Variants in NRCAM observed in about 807,000 individuals in gnomAD.
The protein encoded by NRCAM is NgCAM-related cell adhesion molecule.
Under a neutral mutation model 156.5 loss-of-function variants are expected in NRCAM, and 83 were observed. The observed-to-expected ratio is 0.53, with a 90% CI of 0.44 to 0.64. The LOEUF (loss-of-function observed/expected upper bound fraction) is 0.64. Ranked by LOEUF, NRCAM falls within the 30% of genes least tolerant of loss-of-function variation. The pLI is 0.00. For missense variants in NRCAM, 1,417 were observed against 1,597.3 expected (o/e 0.89, Z 1.92); for synonymous variants, 538 against 563.9 (o/e 0.95, Z 0.65).
At chr7:108,277,217 G>T (rs961796344) in intron 3 of NRCAM, among the ~76,000 whole-genome samples, 1 of 151,972 alleles carries the variant, frequency 6.6e-6, no homozygotes, top group African/African-American at 2.4e-5. Flanking sequence ...TGTGTCTTGG[G>T]GTTGCTCTTC....
intron 3 of NRCAM, among the ~76,000 whole-genome samples, chr7:108,308,741 A>G (rs993568192): frequency 6.6e-6 from 1 of 152,214 alleles, no homozygotes; most frequent in Non-Finnish European, 1.5e-5. Flanking sequence ...CTTCAGAAAC[A>G]GCTATCAAAC....
intron 1 of NRCAM, among the ~76,000 whole-genome samples, chr7:108,434,488 TA>T (rs1475261130): frequency 6.6e-6 from 1 of 151,248 alleles, no homozygotes; most frequent in East Asian, 1.9e-4. Flanking sequence ...CACAAATGTG[TA>T]GAAGAGACCT....
chr7:108,414,200 C>T (rs2154421237), intron 1 of NRCAM, among the ~76,000 whole-genome samples: 1 of 152,130 alleles, frequency 6.6e-6, no homozygotes, highest in Middle Eastern at 3.4e-3. Context: ...AATTCCTTGC[C>T]ATTCCTTCTT....
intron 3 of NRCAM, among the ~76,000 whole-genome samples, chr7:108,273,837 T>C (rs2154060968): frequency 6.6e-6 from 1 of 152,336 alleles, no homozygotes; most frequent in Non-Finnish European, 1.5e-5. Context: ...TCCTAAATGG[T>C]ATTGCCTAGG....
rs139431997 is a variant in NRCAM at position 108,428,814 on chromosome 7, T to C, written c.-332+27429A>G. ...TTACTTCGTTTGCACTTATTTTCAG[T>C]TCCTGTTTGGTTGGCAGAAGAGTGG... On this transcript the variant is annotated intron_variant, in intron 1 of 32. Transcript: ENST00000379028. Among the ~76,000 whole-genome samples, 22 of 152,346 alleles carry C rather than the reference T, an allele frequency of 1.4e-4. No homozygotes were observed. The East Asian group carries it at 2.1e-3, about 15-fold the overall frequency.
chr7:108,342,684 G>A, intron 2 of NRCAM, among the ~76,000 whole-genome samples: 1 of 152,198 alleles, frequency 6.6e-6, no homozygotes. Flanking sequence ...GGACAAGCCT[G>A]CAACCCATGG....
intron 1 of NRCAM, among the ~76,000 whole-genome samples, chr7:108,438,704 A>C (rs913808614): frequency 7.2e-5 from 11 of 152,262 alleles, no homozygotes; most frequent in African/African-American, 2.6e-4. Context: ...AAGAGTCAAA[A>C]TTGTCTTTAT....
At chr7:108,419,866 G>A (rs1332028881) in intron 1 of NRCAM, among the ~76,000 whole-genome samples, 1 of 152,170 alleles carries the variant, frequency 6.6e-6, no homozygotes, top group East Asian at 1.9e-4. Flanking sequence ...CATTAAGTCT[G>A]TCCAGGTGCA....
rs2065496515 is a variant in NRCAM at position 108,184,497 on chromosome 7, G to A, written c.2153C>T (p.Ser718Phe). 2.5e-6 allele frequency: 4 copies of A among 1,614,174 alleles called. No individual in the cohort carries two copies. Among genetic ancestry groups the A allele is most frequent in the African/African-American group, 1.3e-5 (1 of 75,052 alleles). ...QLKLSPYVNY[S>F]FRVMAVNSIG... The stretch of plus-strand genomic sequence containing the variant: ...GCTGTTCACTGCCATCACGCGGAAG[G>A]AGTAGTTCACGTAAGGAGACAGCTT... The change falls in exon 21 of 33, where the codon TCC (serine) becomes TTC (phenylalanine). Residue 718 changes from serine (S) to phenylalanine (F), a missense_variant. By Grantham distance (155) the Ser-to-Phe change is radical (BLOSUM62 -2). Coordinates refer to ENST00000379028, the MANE Select transcript of NRCAM (RefSeq NM_001037132.4).
At chr7:108,334,305 G>A (rs2099156894) in intron 2 of NRCAM, among the ~76,000 whole-genome samples, 1 of 152,172 alleles carries the variant, frequency 6.6e-6, no homozygotes. Flanking sequence ...ATAGATGTAA[G>A]ACATGATAAT....
At chr7:108,392,439 T>G (rs2099763245) in intron 2 of NRCAM, among the ~76,000 whole-genome samples, 1 of 152,176 alleles carries the variant, frequency 6.6e-6, no homozygotes, top group Non-Finnish European at 1.5e-5. Flanking sequence ...ATTTAAGGAT[T>G]TCTCTACACT....
intron 3 of NRCAM, among the ~76,000 whole-genome samples, chr7:108,269,973 T>C (rs1253054480): frequency 6.6e-6 from 1 of 152,246 alleles, no homozygotes; most frequent in African/African-American, 2.4e-5. Flanking sequence ...TATCTAATTT[T>C]ACAGTGCAAA....
At chr7:108,263,599 TG>T (rs1460667960) in intron 3 of NRCAM, among the ~76,000 whole-genome samples, 3 of 152,212 alleles carry the variant, frequency 2.0e-5, no homozygotes, top group African/African-American at 4.8e-5. Flanking sequence ...CAAATCATGG[TG>T]GGGTGCTTCT....
chr7:108,170,010 C>G (rs1296952853), intron 28 of NRCAM, among the ~76,000 whole-genome samples: 1 of 152,074 alleles, frequency 6.6e-6, no homozygotes, highest in East Asian at 1.9e-4. Context: ...AGTTTCTTCT[C>G]TAAACTGTTC....
intron 13 of NRCAM, among the ~76,000 whole-genome samples, chr7:108,198,403 A>C (rs190702805): frequency 6.6e-6 from 1 of 151,476 alleles, no homozygotes; most frequent in East Asian, 1.9e-4. Context: ...TCTTTTTTTT[A>C]ATTATACTTT....
chr7:108,178,974 T>A (rs1044600067), intron 25 of NRCAM, among the ~76,000 whole-genome samples: 2 of 152,128 alleles, frequency 1.3e-5, no homozygotes, highest in African/African-American at 4.8e-5. Flanking sequence ...TTTCTTCCTA[T>A]CCCCATCTTC....
rs759820306 is a variant in NRCAM, at chr7:108,154,366, TAA to T, written c.3678-4221_3678-4220del. Among the ~76,000 whole-genome samples the T allele has an allele frequency of 1.6e-4, 24 of 152,196 alleles. 1 individual carries two copies. The highest frequency in any genetic ancestry group is 1.2e-3 in the East Asian group (6 of 5,202). On this transcript the variant is annotated intron_variant, in intron 32 of 32. Coordinates refer to ENST00000379028, the MANE Select transcript of NRCAM (RefSeq NM_001037132.4). ...AATTGCTTGCTGATACATAGAAATA[TAA>T]GACTTTTATGTTAATTTTGTGTCGA...
chr7:108,446,087 C>G (rs918436429), intron 1 of NRCAM, among the ~76,000 whole-genome samples: 3 of 152,140 alleles, frequency 2.0e-5, no homozygotes, highest in African/African-American at 4.8e-5. Context: ...CAGCTTCAGA[C>G]AGTGAAGGGA....
chr7:108,301,489 G>A (rs1312164887), intron 3 of NRCAM, among the ~76,000 whole-genome samples: 1 of 152,194 alleles, frequency 6.6e-6, no homozygotes, highest in Non-Finnish European at 1.5e-5. Context: ...TGACCGGTAT[G>A]AGCTACAGAA....
Sources: allele counts gnomAD v4.1 joint callset (sites outside exome capture counted in the v4.1 genomes callset), GRCh38; gene constraint gnomAD v4.1.1; transcripts MANE v1.5; gene names NCBI Gene and HGNC (gene_info 2026-07-23, HGNC 2026-07-21).